Variants in CACNA2D3 observed in about 807,000 individuals in gnomAD.
The protein encoded by CACNA2D3 is calcium voltage-gated channel auxiliary subunit alpha2delta 3, also known as voltage-dependent calcium channel subunit alpha-2/delta-3.
Under a neutral mutation model 160.6 loss-of-function variants are expected in CACNA2D3, and 60 were observed. The observed-to-expected ratio is 0.37, with a 90% CI of 0.30 to 0.46. CACNA2D3 has a LOEUF of 0.46. Among genes scored for constraint, CACNA2D3 ranks in the 20% least tolerant of loss-of-function variants. The pLI is 1.00. For missense variants in CACNA2D3, 1,205 were observed against 1,365.0 expected, an observed-to-expected ratio of 0.88 and a Z score of 1.85; for synonymous variants, 558 against 492.9, an observed-to-expected ratio of 1.13 and a Z score of -1.75.
At chr3:54,229,345 C>T (rs1191802144) in intron 2 of CACNA2D3, among the ~76,000 whole-genome samples, 3 of 152,130 alleles carry the variant, frequency 2.0e-5, no homozygotes, top group African/African-American at 7.2e-5. Flanking sequence ...GTGCCTGCCA[C>T]CATGCCCGGC....
intron 18 of CACNA2D3, among the ~76,000 whole-genome samples, chr3:54,878,251 C>T (rs2106835488): frequency 6.6e-6 from 1 of 152,284 alleles, no homozygotes; most frequent in East Asian, 1.9e-4. Flanking sequence ...TGTGGCATGT[C>T]AGCGTTTGCT....
chr3:54,811,781 A>G (rs1189929447), intron 13 of CACNA2D3, among the ~76,000 whole-genome samples: 1 of 152,128 alleles, frequency 6.6e-6, no homozygotes, highest in Non-Finnish European at 1.5e-5. Context: ...GAGCACAGGC[A>G]TGAGCCACCA....
In CACNA2D3 at chr3:54,417,434, C is replaced by T. The variant is rs139196891; in HGVS notation, c.381+30660C>T. 3.0e-3 allele frequency among the ~76,000 whole-genome samples: 462 copies of T among 152,260 alleles called. 4 individuals are homozygous for T. Among genetic ancestry groups the T allele is most frequent in the African/African-American group, 0.01 (419 of 41,554 alleles). On this transcript the variant is annotated intron_variant, in intron 4 of 37. Transcript: ENST00000474759. Reference sequence around the variant, plus strand: ...GCAAGTCATATGTTCTTTCAGACTACGAGTTGGGACTAGTTTATTTTCTTT... The same window carrying T: ...GCAAGTCATATGTTCTTTCAGACTATGAGTTGGGACTAGTTTATTTTCTTT...
intron 9 of CACNA2D3, among the ~76,000 whole-genome samples, chr3:54,614,871 C>T (rs188885217): frequency 1.3e-5 from 2 of 152,176 alleles, no homozygotes; most frequent in Admixed American, 6.5e-5. Context: ...AAAAAACACA[C>T]AAAAATCATC....
chr3:54,756,858 C>T, intron 12 of CACNA2D3, among the ~76,000 whole-genome samples: 1 of 152,098 alleles, frequency 6.6e-6, no homozygotes, highest in East Asian at 1.9e-4. Flanking sequence ...CTGCCTCCTC[C>T]AGTCTACCAG....
At chr3:54,189,910 C>A (rs73085955) in intron 2 of CACNA2D3, among the ~76,000 whole-genome samples, 19,891 of 152,174 alleles carry the variant, frequency 0.13, 1,451 homozygotes, top group East Asian at 0.26. Context: ...TAAGCATCAC[C>A]ACCCATTCTC....
intron 5 of CACNA2D3, among the ~76,000 whole-genome samples, chr3:54,540,845 G>A (rs1360123750): frequency 6.6e-6 from 1 of 152,164 alleles, no homozygotes; most frequent in East Asian, 1.9e-4. Flanking sequence ...TATGAATTCT[G>A]TGGGGACATA....
intron 3 of CACNA2D3, among the ~76,000 whole-genome samples, chr3:54,378,506 T>C (rs1699046886): frequency 6.6e-6 from 1 of 152,166 alleles, no homozygotes; most frequent in Admixed American, 6.5e-5. Flanking sequence ...GATGATGTAA[T>C]GTCATAGTCC....
chr3:54,994,826 T>C (rs183412587), intron 31 of CACNA2D3, among the ~76,000 whole-genome samples: 1 of 152,342 alleles, frequency 6.6e-6, no homozygotes, highest in Admixed American at 6.5e-5. Context: ...CTCATGTCTC[T>C]CAGATTCCAG....
intron 5 of CACNA2D3, among the ~76,000 whole-genome samples, chr3:54,539,809 A>C (rs1349085833): frequency 6.6e-6 from 1 of 152,148 alleles, no homozygotes; most frequent in Non-Finnish European, 1.5e-5. Flanking sequence ...TAACTGGGAG[A>C]CTGGTGAGAT....
At chr3:54,287,300 A>C (rs1405940283) in intron 2 of CACNA2D3, among the ~76,000 whole-genome samples, 11 of 152,218 alleles carry the variant, frequency 7.2e-5, no homozygotes, top group South Asian at 2.1e-4. Flanking sequence ...AAAAGACTTT[A>C]AACCAACAAA....
intron 3 of CACNA2D3, among the ~76,000 whole-genome samples, chr3:54,378,725 G>GA (rs1699050845): frequency 6.6e-6 from 1 of 152,168 alleles, no homozygotes; most frequent in African/African-American, 2.4e-5. Context: ...TGGTCATTTG[G>GA]AAAAATTACT....
chr3:55,035,626 T>C (rs765372574), intron 35 of CACNA2D3, among the ~76,000 whole-genome samples: 26 of 152,202 alleles, frequency 1.7e-4, no homozygotes, highest in Non-Finnish European at 2.6e-4. Context: ...CTGGCCTGTT[T>C]ATCTATTTTT....
chr3:54,295,442 C>T lies in CACNA2D3; in HGVS notation c.205-25000C>T, dbSNP rs184960805. Among the ~76,000 whole-genome samples the T allele has an allele frequency of 2.6e-4, 39 of 152,228 alleles. No individual in the cohort carries two copies. In the East Asian group the frequency reaches 6.9e-3, roughly 27 times the overall value. Reference sequence around the variant, plus strand: ...GTCCTGAAGACGTGCCCAAGGTAGTCGGGGCACAGCTTGGTTTTATACATT... The same window carrying T: ...GTCCTGAAGACGTGCCCAAGGTAGTTGGGGCACAGCTTGGTTTTATACATT... On this transcript the variant is annotated intron_variant, in intron 2 of 37. Transcript: ENST00000474759.
At chr3:54,312,383 AT>A (rs1184454399) in intron 2 of CACNA2D3, among the ~76,000 whole-genome samples, 2 of 151,782 alleles carry the variant, frequency 1.3e-5, no homozygotes, top group Admixed American at 1.3e-4. Context: ...TGCAGAGGGT[AT>A]TTTTTTTCCT....
chr3:54,169,301 G>T (rs554164078), intron 2 of CACNA2D3, among the ~76,000 whole-genome samples: 77 of 152,130 alleles, frequency 5.1e-4, no homozygotes, highest in Non-Finnish European at 6.9e-4. Context: ...CAGGGCTGTG[G>T]CCTGTGCCCA....
At chr3:54,358,244 G>A (rs2107539021) in intron 3 of CACNA2D3, among the ~76,000 whole-genome samples, 1 of 152,280 alleles carries the variant, frequency 6.6e-6, no homozygotes, top group East Asian at 1.9e-4. Context: ...TAAAGAAAAG[G>A]TAAAGGGCTT....
intron 8 of CACNA2D3, among the ~76,000 whole-genome samples, chr3:54,578,050 T>C (rs539148190): frequency 7.4e-4 from 113 of 152,330 alleles, no homozygotes; most frequent in African/African-American, 2.7e-3. Context: ...CAGGGCAGCC[T>C]GGGCCCACTC....
At chr3:54,152,274 T>C (rs1261006048) in intron 2 of CACNA2D3, among the ~76,000 whole-genome samples, 1 of 152,238 alleles carries the variant, frequency 6.6e-6, no homozygotes, top group African/African-American at 2.4e-5. Flanking sequence ...GTGCTGTGGT[T>C]GAGTGCGCTA....
Sources: allele counts gnomAD v4.1 joint callset (sites outside exome capture counted in the v4.1 genomes callset), GRCh38; gene constraint gnomAD v4.1.1; transcripts MANE v1.5; gene names NCBI Gene and HGNC (gene_info 2026-07-23, HGNC 2026-07-21).